NKIRAS1: variants seen among roughly 807,000 people sequenced by gnomAD.
NKIRAS1 encodes the protein NF-kappa-B inhibitor-interacting Ras-like protein 1.
In NKIRAS1, 16 loss-of-function variants were observed where a neutral mutation model predicts 19.8. The ratio of observed to expected loss-of-function variants is 0.81; its 90% CI spans 0.55 to 1.23. NKIRAS1 has a LOEUF of 1.23. NKIRAS1 is among the 50% of genes most tolerant of loss of function. The probability of loss-of-function intolerance (pLI) is 0.00; values close to 1 mark genes in which losing one functional copy is unlikely to be tolerated. For missense variants in NKIRAS1, 184 were observed against 220.0 expected (o/e 0.84, Z 1.04); for synonymous variants, 88 against 79.0 (o/e 1.11, Z -0.61).
At chr3:23,928,333 A>C (rs1431560952) in intron 1 of NKIRAS1, among the ~76,000 whole-genome samples, 1 of 147,398 alleles carries the variant, frequency 6.8e-6, no homozygotes, top group East Asian at 1.9e-4. Context: ...TAAATAAATA[A>C]ATGTTATCAT....
At chr3:23,924,798 C>CT (rs1051594146) in intron 1 of NKIRAS1, among the ~76,000 whole-genome samples, 1 of 152,210 alleles carries the variant, frequency 6.6e-6, no homozygotes, top group African/African-American at 2.4e-5. Context: ...CTGATTTCAT[C>CT]TTTAAGTTCT....
At chr3:23,930,073 T>C (rs1160362295) in intron 1 of NKIRAS1, among the ~76,000 whole-genome samples, 1 of 152,172 alleles carries the variant, frequency 6.6e-6, no homozygotes, top group Admixed American at 6.5e-5. Flanking sequence ...ATGTCATATA[T>C]ATTGAGTCTA....
intron 1 of NKIRAS1, among the ~76,000 whole-genome samples, chr3:23,928,873 T>A (rs977537942): frequency 6.6e-6 from 1 of 151,680 alleles, no homozygotes; most frequent in South Asian, 2.1e-4. Flanking sequence ...GCGCTGAGCC[T>A]GTAGTCCCAG....
At chr3:23,917,899 A>C, upstream of NKIRAS1, 2 of 1,612,704 alleles carry the variant, frequency 1.2e-6, no homozygotes, top group South Asian at 1.1e-5. Context: ...ATGGAGAAAG[A>C]AGCAGTCTGA....
chr3:23,908,815 C>T (rs923859286), intron 3 of NKIRAS1, among the ~76,000 whole-genome samples: 1 of 151,948 alleles, frequency 6.6e-6, no homozygotes, highest in Admixed American at 6.6e-5. Flanking sequence ...AGGCACATGC[C>T]ACCATGCCCA....
chr3:23,945,913 C>T (rs1198381688), intron 1 of NKIRAS1, among the ~76,000 whole-genome samples: 2 of 149,368 alleles, frequency 1.3e-5, no homozygotes, highest in Non-Finnish European at 3.0e-5. Flanking sequence ...GCTGGGCGGG[C>T]GCGTGACGCG....
chr3:23,918,067 T>C, upstream of NKIRAS1: 1 of 1,583,248 alleles, frequency 6.3e-7, no homozygotes, highest in South Asian at 1.1e-5. Flanking sequence ...TGGATAAAAT[T>C]ATATTCGAGA....
At chr3:23,941,874 GAT>G (rs1293079444) in intron 1 of NKIRAS1, among the ~76,000 whole-genome samples, 1 of 152,214 alleles carries the variant, frequency 6.6e-6, no homozygotes, top group Non-Finnish European at 1.5e-5. Context: ...GGGTCTTAAA[GAT>G]ATACTTTGCA....
At chr3:23,945,603 C>G (rs1315936346) in intron 1 of NKIRAS1, 25 of 1,136,824 alleles carry the variant, frequency 2.2e-5, no homozygotes, top group East Asian at 4.5e-5. Context: ...AGGTAAGAAC[C>G]GGACTGCGGC....
rs1012277870 is a variant in NKIRAS1, at chr3:23,927,394, G to A, written c.-139-15944C>T. On this transcript the variant is annotated intron_variant, in intron 1 of 4. Transcript: ENST00000421515. This position sits in a 1 kb window ranked among gnomAD's most constrained non-coding sequence, Gnocchi z 4.0. Reference sequence around the variant, plus strand: ...GAGGAAAGAAAAAAAAACCTACTGCGAAGGTGCTATAGTTGGCTTGTGACA... The same window carrying A: ...GAGGAAAGAAAAAAAAACCTACTGCAAAGGTGCTATAGTTGGCTTGTGACA... Among the ~76,000 whole-genome samples, 5 of 152,234 alleles carry A rather than the reference G, an allele frequency of 3.3e-5. No individual in the cohort carries two copies. The East Asian group carries it at 9.7e-4, about 29-fold the overall frequency.
At chr3:23,918,043 A>G (rs772231304), upstream of NKIRAS1, 3 of 1,602,816 alleles carry the variant, frequency 1.9e-6, no homozygotes, top group East Asian at 2.2e-5. Context: ...TACGTGATCG[A>G]CTGCGTGGAT....
upstream of NKIRAS1, chr3:23,917,563 C>G (rs888437796): frequency 9.9e-6 from 3 of 303,860 alleles, no homozygotes; most frequent in South Asian, 1.6e-4. Context: ...TCCTTGGGGA[C>G]GCCGCCTGCC....
At chr3:23,917,834 C>T (rs1171257595), upstream of NKIRAS1, 3 of 1,602,422 alleles carry the variant, frequency 1.9e-6, no homozygotes, top group East Asian at 2.2e-5. Flanking sequence ...ATTTAATACA[C>T]AGTTTGATTT....
chr3:23,944,956 TG>T (rs1318202307), intron 1 of NKIRAS1, among the ~76,000 whole-genome samples: 1 of 150,442 alleles, frequency 6.6e-6, no homozygotes, highest in Non-Finnish European at 1.5e-5. Context: ...GCCACCAGGT[TG>T]GGGGGCAGGG....
At chr3:23,917,652 C>G (rs914280824), upstream of NKIRAS1, 1 of 570,354 alleles carries the variant, frequency 1.8e-6, no homozygotes, top group African/African-American at 1.9e-5. Context: ...CCGCTCTGTG[C>G]TGGGGTTGCG....
intron 1 of NKIRAS1, among the ~76,000 whole-genome samples, chr3:23,945,027 G>T (rs1233542691): frequency 2.0e-5 from 3 of 152,094 alleles, no homozygotes; most frequent in Admixed American, 2.0e-4. Flanking sequence ...GAAAGAGGAG[G>T]AGGAGGGGAG....
At chr3:23,945,512 G>C in intron 1 of NKIRAS1, 1 of 913,050 alleles carries the variant, frequency 1.1e-6, no homozygotes, top group Non-Finnish European at 1.3e-6. Flanking sequence ...GCGGCGCTGA[G>C]GCGGCGGCGG....
chr3:23,912,670 A>G (rs1411427976), intron 1 of NKIRAS1, among the ~76,000 whole-genome samples: 1 of 152,182 alleles, frequency 6.6e-6, no homozygotes, highest in East Asian at 1.9e-4. Flanking sequence ...ATACCATTTG[A>G]CCCAGTAATC....
chr3:23,920,551 A>G (rs1705021284), upstream of NKIRAS1: 1 of 985,292 alleles, frequency 1.0e-6, no homozygotes, highest in Non-Finnish European at 1.2e-6. Flanking sequence ...AGACTAGACT[A>G]CTGTTGTCCA....
Sources: gnomAD v4.1 joint callset for allele counts (sites outside exome capture counted in the v4.1 genomes callset) on GRCh38, gnomAD v4.1.1 for gene constraint, Gnocchi (gnomAD v3.1) non-coding constraint, MANE v1.5 for transcripts, NCBI Gene and HGNC (gene_info 2026-07-23, HGNC 2026-07-21) for gene names.